PFDN1: variants seen among roughly 807,000 people sequenced by gnomAD.
PFDN1 encodes the protein prefoldin 1.
PFDN1 carries 6 observed loss-of-function variants against 17.3 expected under a neutral mutation model. The observed-to-expected ratio is 0.35, with a 90% CI of 0.19 to 0.69. The LOEUF (loss-of-function observed/expected upper bound fraction) is 0.69. Ranked by LOEUF, PFDN1 falls within the 30% of genes least tolerant of loss-of-function variation. The pLI is 0.65. For synonymous variants in PFDN1, 58 were observed against 50.1 expected (o/e 1.16, Z -0.67); for missense variants, 113 against 146.2 (o/e 0.77, Z 1.17).
At chr5:140,270,035 C>T (rs1765183980) in intron 3 of PFDN1, among the ~76,000 whole-genome samples, 1 of 152,112 alleles carries the variant, frequency 6.6e-6, no homozygotes. Flanking sequence ...TGTGGCCTTC[C>T]CCACATGAAG....
chr5:140,284,754 T>C (rs1393719023), intron 2 of PFDN1, among the ~76,000 whole-genome samples: 3 of 152,352 alleles, frequency 2.0e-5, no homozygotes, highest in Non-Finnish European at 4.4e-5. Flanking sequence ...CAGGATTATA[T>C]AACCTGAATT....
At chr5:140,282,849 T>C (rs1765431284) in intron 2 of PFDN1, among the ~76,000 whole-genome samples, 2 of 152,232 alleles carry the variant, frequency 1.3e-5, no homozygotes, top group Admixed American at 6.5e-5. Context: ...AGCTAAAATA[T>C]ATTTCAATTT....
chr5:140,257,582 A>G (rs1404374321), intron 3 of PFDN1, among the ~76,000 whole-genome samples: 1 of 152,230 alleles, frequency 6.6e-6, no homozygotes, highest in Non-Finnish European at 1.5e-5. Flanking sequence ...TCTCTAAAAC[A>G]TCACCCTTAC....
chr5:140,252,037 A>G (rs1764921699), intron 3 of PFDN1, among the ~76,000 whole-genome samples: 1 of 148,006 alleles, frequency 6.8e-6, no homozygotes, highest in Admixed American at 6.8e-5. Context: ...GCCTTGGGGT[A>G]TTGAAAAGAG....
Position 140,276,824 on chromosome 5 carries a change from A to G in PFDN1, c.285+4625T>C, listed in dbSNP as rs183861372. 2.1e-5 allele frequency among the ~76,000 whole-genome samples: 3 copies of G among 145,996 alleles called. No individual in the cohort carries two copies. In the East Asian group the frequency reaches 6.1e-4, roughly 30 times the overall value. On this transcript the variant is annotated intron_variant, in intron 3 of 3. Transcript: ENST00000261813. ...AAAAAAAGACTGAGAGTATTTTTGC[A>G]TGGCTAAAGCATACAGTATAACAGA...
chr5:140,287,515 AAGGAATC>A (rs1374541752), intron 2 of PFDN1, among the ~76,000 whole-genome samples: 6 of 152,178 alleles, frequency 3.9e-5, no homozygotes, highest in Non-Finnish European at 8.8e-5. Flanking sequence ...TCTCCAATAA[AAGGAATC>A]AGGAACCACA....
rs540768173 is a variant in PFDN1 at position 140,265,057 on chromosome 5, G to T, written c.285+16392C>A. Among the ~76,000 whole-genome samples the T allele has an allele frequency of 5.5e-4, 84 of 152,256 alleles. No homozygotes were observed. The South Asian group carries it at 9.5e-3, about 17-fold the overall frequency. ...CTCAAATTTTACTCAGGATTCCACA[G>T]ATCCATGGCAGACCTTTTATCTGCT... On this transcript the variant is annotated intron_variant, in intron 3 of 3. Coordinates refer to ENST00000261813, the MANE Select transcript of PFDN1 (RefSeq NM_002622.5).
At chr5:140,255,432 C>T (rs910786346) in intron 3 of PFDN1, among the ~76,000 whole-genome samples, 1 of 152,102 alleles carries the variant, frequency 6.6e-6, no homozygotes, top group Admixed American at 6.5e-5. Flanking sequence ...ATATCACCCA[C>T]CTATTAGTGA....
At position 140,256,896 on chromosome 5, in the gene PFDN1, C is replaced by A. The variant is rs969750456; in HGVS notation, c.286-10839G>T. Reference sequence around the variant, plus strand: ...CCTGGAGGTGTGTCGTGGACACTCTCACACTGAATCAAGTTAGCCTCTGCT... The same window carrying A: ...CCTGGAGGTGTGTCGTGGACACTCTAACACTGAATCAAGTTAGCCTCTGCT... On this transcript the variant is annotated intron_variant, in intron 3 of 3. Coordinates refer to ENST00000261813, the MANE Select transcript of PFDN1 (RefSeq NM_002622.5). Among the ~76,000 whole-genome samples the A allele has an allele frequency of 3.3e-5, 5 of 152,046 alleles. 1 individual carries two copies. Among genetic ancestry groups the A allele is most frequent in the African/African-American group, 7.2e-5 (3 of 41,402 alleles).
At chr5:140,255,953 T>C (rs1764979490) in intron 3 of PFDN1, among the ~76,000 whole-genome samples, 1 of 152,138 alleles carries the variant, frequency 6.6e-6, no homozygotes, top group African/African-American at 2.4e-5. Flanking sequence ...CTCTAATGAA[T>C]TGGCTGTGAT....
intron 3 of PFDN1, among the ~76,000 whole-genome samples, chr5:140,251,274 A>C (rs1764908833): frequency 6.6e-6 from 1 of 152,136 alleles, no homozygotes; most frequent in Non-Finnish European, 1.5e-5. Context: ...TTACCCCATA[A>C]ATCTATACAA....
intron 2 of PFDN1, among the ~76,000 whole-genome samples, chr5:140,285,682 A>G (rs1765477243): frequency 6.6e-6 from 1 of 152,180 alleles, no homozygotes; most frequent in Admixed American, 6.5e-5. Flanking sequence ...TGTTGAACTA[A>G]CACAAAAGGA....
chr5:140,273,992 T>C (rs1337307389), intron 3 of PFDN1: 1 of 482,134 alleles, frequency 2.1e-6, no homozygotes, highest in African/African-American at 2.1e-5. Context: ...AATGTATCAT[T>C]GAAAGTTTAC....
rs898325303 is a variant in PFDN1 at position 140,276,448 on chromosome 5, C to T, written c.285+5001G>A. On this transcript the variant is annotated intron_variant, in intron 3 of 3. Coordinates refer to ENST00000261813, the MANE Select transcript of PFDN1 (RefSeq NM_002622.5). ...TTCCCAAGTGGAGATAACTACTTTTCGAAGATCTAGCAGAATGAAAAAAGA... is the reference window on the plus strand; with the variant it reads ...TTCCCAAGTGGAGATAACTACTTTTTGAAGATCTAGCAGAATGAAAAAAGA... 5.3e-5 allele frequency among the ~76,000 whole-genome samples: 8 copies of T among 152,112 alleles called. No individual in the cohort carries two copies. The South Asian group carries it at 1.0e-3, about 20-fold the overall frequency.
At chr5:140,279,620 C>T (rs1765359369) in intron 3 of PFDN1, among the ~76,000 whole-genome samples, 1 of 151,914 alleles carries the variant, frequency 6.6e-6, no homozygotes, top group Non-Finnish European at 1.5e-5. Flanking sequence ...TGCCACTGTG[C>T]CCACTCTGCT....
intron 3 of PFDN1, among the ~76,000 whole-genome samples, chr5:140,261,849 G>A (rs1380259632): frequency 6.6e-6 from 1 of 151,888 alleles, no homozygotes; most frequent in African/African-American, 2.4e-5. Flanking sequence ...GGGGTATTGA[G>A]AGGTCAGGTC....
At chr5:140,278,501 C>T (rs1354685493) in intron 3 of PFDN1, among the ~76,000 whole-genome samples, 2 of 129,002 alleles carry the variant, frequency 1.6e-5, no homozygotes, top group East Asian at 5.0e-4. Flanking sequence ...GCAGAGGTGG[C>T]AGTGAGCCAA....
At chr5:140,269,517 C>A (rs1022867701) in intron 3 of PFDN1, among the ~76,000 whole-genome samples, 7 of 152,126 alleles carry the variant, frequency 4.6e-5, no homozygotes, top group Non-Finnish European at 1.0e-4. Flanking sequence ...GGGGGTCTCT[C>A]CATGTTGGTC....
At chr5:140,286,047 A>T (rs992843756) in intron 2 of PFDN1, among the ~76,000 whole-genome samples, 8 of 151,944 alleles carry the variant, frequency 5.3e-5, no homozygotes, top group Admixed American at 3.3e-4. Context: ...AAAAAAAAAT[A>T]TTTTTTTTAT....
Sources: gnomAD v4.1 joint callset for allele counts (sites outside exome capture counted in the v4.1 genomes callset) on GRCh38, gnomAD v4.1.1 for gene constraint, MANE v1.5 for transcripts, NCBI Gene and HGNC (gene_info 2026-07-23, HGNC 2026-07-21) for gene names.